NME6: variants seen among roughly 807,000 people sequenced by gnomAD.
NME6 encodes nucleoside diphosphate kinase 6, mitochondrial.
In NME6, 16 loss-of-function variants were observed where a neutral mutation model predicts 22.2. The ratio of observed to expected loss-of-function variants is 0.72; its 90% CI spans 0.49 to 1.09. NME6 has a LOEUF of 1.09. NME6 is among the 50% of genes least tolerant of loss of function. The pLI, the probability that NME6 is intolerant of heterozygous loss-of-function variation, is 0.00. For missense variants in NME6, 229 were observed against 239.0 expected, an observed-to-expected ratio of 0.96 and a Z score of 0.28; for synonymous variants, 58 against 85.2, an observed-to-expected ratio of 0.68 and a Z score of 1.76.
intron 1 of NME6, among the ~76,000 whole-genome samples, chr3:48,299,540 C>A (rs540489315): frequency 2.2e-4 from 34 of 151,754 alleles, no homozygotes; most frequent in Non-Finnish European, 4.9e-4. Context: ...CAAAGCAAGA[C>A]CCTGACTCTA....
downstream of NME6, chr3:48,288,691 T>C (rs536924996): frequency 2.0e-5 from 3 of 148,236 alleles, no homozygotes; most frequent in South Asian, 6.2e-4. Flanking sequence ...TTGACCAGTC[T>C]TTAAAAAAAA....
chr3:48,295,879 C>G, intron 4 of NME6: 1 of 540,592 alleles, frequency 1.8e-6, no homozygotes, highest in Non-Finnish European at 3.3e-6. Context: ...CCATGCCGGG[C>G]TAATTTTTTG....
At position 48,298,459 on chromosome 3, in the gene NME6, G is replaced by A; in HGVS notation, c.58C>T (p.Pro20Ser). 6.2e-7 allele frequency: 1 copy of A among 1,614,104 alleles called. No homozygotes were observed. The highest frequency in any genetic ancestry group is 8.5e-7 in the Non-Finnish European group (1 of 1,179,970). The change falls in exon 2 of 6, where the codon CCT becomes TCT. Residue 20 changes from proline to serine, a missense_variant. Pro to Ser is a moderately conservative substitution (Grantham distance 74, BLOSUM62 -1). Transcript: ENST00000442597. ...ATCAGTGGATGGGCGACTGCGTCAG[G>A]CTTGATCAGGGCTAGAGTGAGCTGG... The part of the protein sequence containing the change: ...ALQLTLALIK[P>S]DAVAHPLILE...
chr3:48,298,038 A>G (rs773929467), intron 2 of NME6: 12 of 283,498 alleles, frequency 4.2e-5, no homozygotes, highest in Non-Finnish European at 8.2e-5. Context: ...TGGTCAGCCA[A>G]TACCTTGACT....
chr3:48,291,437 T>C (rs2034454978), downstream of NME6: 1 of 314,738 alleles, frequency 3.2e-6, no homozygotes, highest in South Asian at 2.6e-5. Context: ...CTGGAGTGTG[T>C]GCAGTGGCTC....
chr3:48,293,481 A>G lies in NME6; in HGVS notation c.*1156T>C, dbSNP rs1229118942. 11 of 152,238 alleles carry G rather than the reference A, an allele frequency of 7.2e-5. No individual in the cohort carries two copies. Among genetic ancestry groups the G allele is most frequent in the Admixed American group, 7.2e-4 (11 of 15,276 alleles). 9.4% of individuals were successfully genotyped at this position (152,238 alleles called of 1,614,324 possible). A position where few individuals can be genotyped will look rare whatever the true frequency, so the allele number is the denominator to read the frequency against. ...TAGGTCACACATACAAAACTGACCC[A>G]TATATTCCTGAAAATGAACAGACTG... On this transcript the variant is annotated 3_prime_UTR_variant, in exon 6 of 6. Coordinates refer to ENST00000442597, the MANE Select transcript of NME6 (RefSeq NM_001308426.2).
intron 1 of NME6, chr3:48,300,260 TGTG>T (rs2107023588): frequency 2.2e-6 from 1 of 456,796 alleles, no homozygotes; most frequent in Non-Finnish European, 4.4e-6. Context: ...TGCATGATCT[TGTG>T]GTTCCCCACG....
At chr3:48,300,916 C>T (rs2035625255) in intron 1 of NME6, among the ~76,000 whole-genome samples, 1 of 152,052 alleles carries the variant, frequency 6.6e-6, no homozygotes. Context: ...GGCATAACGG[C>T]GCGCGCCTAC....
chr3:48,300,569 G>A (rs1394414420), intron 1 of NME6: 5 of 316,052 alleles, frequency 1.6e-5, no homozygotes, highest in Admixed American at 4.4e-5. Flanking sequence ...ATGAACCAAC[G>A]AATGCACCTC....
intron 2 of NME6, chr3:48,297,831 C>A (rs2035275527): frequency 6.4e-6 from 1 of 155,042 alleles, no homozygotes; most frequent in Non-Finnish European, 1.4e-5. Context: ...GGATTCAATG[C>A]ACTGCAGCTG....
chr3:48,300,940 A>AG (rs1297058586), intron 1 of NME6, among the ~76,000 whole-genome samples: 1 of 152,038 alleles, frequency 6.6e-6, no homozygotes, highest in African/African-American at 2.4e-5. Flanking sequence ...CACAGCTACT[A>AG]GGGAGGCTGA....
rs538239861 is a variant in NME6 at position 48,295,224 on chromosome 3, C to A, written c.245G>T (p.Arg82Leu). 54 of 1,613,140 alleles carry A rather than the reference C, an allele frequency of 3.3e-5. No homozygotes were observed. Among genetic ancestry groups the A allele is most frequent in the Non-Finnish European group, 4.4e-5 (52 of 1,179,446 alleles). Residue 82 changes from arginine (R) to leucine (L), a missense_variant, in exon 5 of 6, where the codon CGA becomes CTA. Physicochemically the swap from Arg to Leu is moderately radical, Grantham distance 102 (BLOSUM62 -2). Transcript: ENST00000442597. ...LVEFMASGPI[R>L]AYILAHKDAI... ...ATCCTTGTGGGCAAGGATGTAGGCT[C>A]GGATTGGCCCGCTGTGAACAAAACA...
At chr3:48,299,006 G>A in intron 1 of NME6, 1 of 702,896 alleles carries the variant, frequency 1.4e-6, no homozygotes, top group Non-Finnish European at 2.6e-6. Context: ...CAACTGAGGT[G>A]CTACCAGGAT....
chr3:48,292,112 C>A (rs903573767), downstream of NME6: 7 of 152,208 alleles, frequency 4.6e-5, no homozygotes, highest in East Asian at 1.9e-4. Context: ...AATATCATCA[C>A]ATTGGGGGTT....
chr3:48,298,901 C>T (rs1265559090), intron 1 of NME6: 1 of 699,228 alleles, frequency 1.4e-6, no homozygotes, highest in African/African-American at 1.7e-5. Context: ...ACAGCCTATC[C>T]ACAAGGCCTA....
At position 48,292,906 on chromosome 3, in the gene NME6, G is replaced by A. The variant is rs1033847297; in HGVS notation, c.*1731C>T. 5 of 152,356 alleles carry A rather than the reference G, an allele frequency of 3.3e-5. No homozygotes were observed. Among genetic ancestry groups the A allele is most frequent in the Admixed American group, 6.5e-5 (1 of 15,294 alleles). The allele number at this position is 152,356 out of a possible 1,614,324, so 9.4% of individuals were successfully genotyped here. A position where few individuals can be genotyped will look rare whatever the true frequency, so the allele number is the denominator to read the frequency against. ...GAAGACAGAGATAGTATCTCCCTAAGATTGTGGTTCCTTAGCCGTCATGCA... is the reference window on the plus strand; with the variant it reads ...GAAGACAGAGATAGTATCTCCCTAAAATTGTGGTTCCTTAGCCGTCATGCA... On this transcript the variant is annotated 3_prime_UTR_variant, in exon 6 of 6. Coordinates refer to ENST00000442597, the MANE Select transcript of NME6 (RefSeq NM_001308426.2).
At chr3:48,290,478 T>C (rs930491580), downstream of NME6, among the ~76,000 whole-genome samples, 4 of 152,158 alleles carry the variant, frequency 2.6e-5, no homozygotes, top group African/African-American at 7.2e-5. Flanking sequence ...GTGAGAACAT[T>C]TGAAATTTAC....
Position 48,293,657 on chromosome 3 carries a change from A to C in NME6, c.*980T>G, listed in dbSNP as rs2034737157. On this transcript the variant is annotated 3_prime_UTR_variant, in exon 6 of 6. Coordinates refer to ENST00000442597, the MANE Select transcript of NME6 (RefSeq NM_001308426.2). The stretch of plus-strand genomic sequence containing the variant: ...AACCTTCTTTCCTCTGTTCTCCCAC[A>C]GGACTTTATACCTCTGTTAGGGCAC... The C allele has an allele frequency of 6.6e-6, 1 of 152,210 alleles. No homozygotes were observed. The allele number at this position is 152,210 out of a possible 1,614,324, so 9.4% of individuals were successfully genotyped here.
At chr3:48,301,011 G>A (rs557763749) in intron 1 of NME6, among the ~76,000 whole-genome samples, 36 of 152,214 alleles carry the variant, frequency 2.4e-4, no homozygotes, top group African/African-American at 8.2e-4. Flanking sequence ...TCGCGCCACT[G>A]CACTCCAGCC....
Sources: gnomAD v4.1 joint callset for allele counts (sites outside exome capture counted in the v4.1 genomes callset) on GRCh38, gnomAD v4.1.1 for gene constraint, MANE v1.5 for transcripts, NCBI Gene and HGNC (gene_info 2026-07-23, HGNC 2026-07-21) for gene names.